Variants in PRIMPOL observed in about 807,000 individuals in gnomAD.
PRIMPOL encodes the protein DNA-directed primase/polymerase protein.
A neutral mutation model predicts 63.6 loss-of-function variants in PRIMPOL; 54 were observed. The ratio of observed to expected loss-of-function variants is 0.85; its 90% confidence interval spans 0.68 to 1.07. PRIMPOL has a LOEUF of 1.07. PRIMPOL is among the 50% of genes least tolerant of loss of function. The pLI is 0.00. For synonymous variants in PRIMPOL, 197 were observed against 220.2 expected, an observed-to-expected ratio of 0.89 and a Z score of 0.93; for missense variants, 610 against 648.3, an observed-to-expected ratio of 0.94 and a Z score of 0.64.
chr4:184,684,944 C>T (rs1450023273), intron 9 of PRIMPOL, among the ~76,000 whole-genome samples: 1 of 152,046 alleles, frequency 6.6e-6, no homozygotes, highest in South Asian at 2.1e-4. Context: ...CCTGTTTTGC[C>T]TGTGTTGGGA....
chr4:184,650,315 G>A (rs1743868632), intron 1 of PRIMPOL, among the ~76,000 whole-genome samples: 1 of 152,258 alleles, frequency 6.6e-6, no homozygotes, highest in Non-Finnish European at 1.5e-5. Context: ...AGGGAGTGAA[G>A]AAGAGGAAAA....
Position 184,690,649 on chromosome 4 carries a change from G to A in PRIMPOL, c.1296-850G>A, listed in dbSNP as rs138580896. 4.9e-3 allele frequency among the ~76,000 whole-genome samples: 752 copies of A among 152,170 alleles called. 8 individuals are homozygous for A. The highest frequency in any genetic ancestry group is 0.017 in the African/African-American group (708 of 41,488). On this transcript the variant is annotated intron_variant, in intron 11 of 13. Coordinates refer to ENST00000314970, the MANE Select transcript of PRIMPOL (RefSeq NM_152683.4). ...TAATTTTTGTATTTTCAGTATAGACGGGGTTTCACTATGTTGGCCAGGCTG... is the reference window on the plus strand; with the variant it reads ...TAATTTTTGTATTTTCAGTATAGACAGGGTTTCACTATGTTGGCCAGGCTG...
chr4:184,660,256 G>T (rs1209894417), intron 4 of PRIMPOL, among the ~76,000 whole-genome samples: 1 of 150,762 alleles, frequency 6.6e-6, no homozygotes, highest in African/African-American at 2.4e-5. Context: ...CACAATCTCA[G>T]CTCACTGCAA....
intron 11 of PRIMPOL, among the ~76,000 whole-genome samples, chr4:184,688,927 G>C (rs1202113480): frequency 6.6e-6 from 1 of 151,806 alleles, no homozygotes; most frequent in East Asian, 1.9e-4. Context: ...CAAACAACTT[G>C]GTAAGTGTTT....
intron 2 of PRIMPOL, among the ~76,000 whole-genome samples, chr4:184,653,618 G>A (rs1308435450): frequency 1.3e-5 from 2 of 152,194 alleles, no homozygotes; most frequent in African/African-American, 4.8e-5. Context: ...CCAAAGTGCT[G>A]GGATTACAGG....
intron 5 of PRIMPOL, among the ~76,000 whole-genome samples, chr4:184,662,110 A>G (rs914822111): frequency 4.6e-5 from 7 of 152,130 alleles, no homozygotes; most frequent in Non-Finnish European, 8.8e-5. Context: ...ATAGTTTGCA[A>G]TTTTGCTGTC....
At chr4:184,656,965 T>G in intron 2 of PRIMPOL, 117 bp from the exon 3 acceptor site, 1 of 489,226 alleles carries the variant, frequency 2.0e-6, no homozygotes, top group African/African-American at 2.0e-5. Flanking sequence ...GTGGTAAAAC[T>G]TCATGCAAAG....
rs761083199 is a variant in PRIMPOL at position 184,661,805 on chromosome 4, C to T, written c.310C>T (p.Pro104Ser). The T allele has an allele frequency of 1.2e-5, 19 of 1,612,006 alleles. No homozygotes were observed. Among genetic ancestry groups the T allele is most frequent in the Admixed American group, 1.7e-5 (1 of 59,892 alleles). The change falls in exon 5 of 14, where the codon CCT (proline) becomes TCT (serine). Residue 104 changes from proline to serine, a missense_variant. This residue lies in a region of PRIMPOL where 159 missense variants were observed against 168.9 expected (regional missense o/e 0.94). Transcript: ENST00000314970. ...TCTCTTACACTGCTATGAAGTTATT[C>T]CTGAAAATGCTGTGTGCAAGCTTTA... Reference protein sequence around the residue: ...KNLLHCYEVIPENAVCKLYFD... With the variant: ...KNLLHCYEVISENAVCKLYFD...
intron 8 of PRIMPOL, among the ~76,000 whole-genome samples, chr4:184,680,817 T>C (rs187990274): frequency 3.3e-5 from 5 of 151,402 alleles, no homozygotes; most frequent in African/African-American, 9.6e-5. Context: ...GCTCAGTGAA[T>C]GTTGTTGGTA....
intron 11 of PRIMPOL, among the ~76,000 whole-genome samples, chr4:184,688,358 C>T (rs1021520140): frequency 1.3e-5 from 2 of 152,224 alleles, no homozygotes; most frequent in Non-Finnish European, 2.9e-5. Flanking sequence ...ATTGGTTTTG[C>T]TCATCTGGCA....
chr4:184,681,550 ATTG>A (rs1174292622), intron 8 of PRIMPOL, among the ~76,000 whole-genome samples: 2 of 151,310 alleles, frequency 1.3e-5, no homozygotes, highest in Non-Finnish European at 3.0e-5. Context: ...TATTATTTTT[ATTG>A]TTTTTTTATT....
intron 4 of PRIMPOL, 75 bp downstream of exon 4, chr4:184,659,512 G>A: frequency 9.3e-7 from 1 of 1,080,168 alleles, no homozygotes; most frequent in South Asian, 1.3e-5. Flanking sequence ...GGTGAAATTA[G>A]TTCAGGCTGA....
At chr4:184,662,054 G>T in intron 5 of PRIMPOL, 151 bp downstream of exon 5, 1 of 617,580 alleles carries the variant, frequency 1.6e-6, no homozygotes, top group Non-Finnish European at 2.5e-6. Flanking sequence ...AATATTACTT[G>T]TATGAGTAAA....
chr4:184,692,681 A>G (rs968579746), intron 13 of PRIMPOL, among the ~76,000 whole-genome samples: 3 of 151,832 alleles, frequency 2.0e-5, no homozygotes, highest in East Asian at 1.9e-4. Flanking sequence ...AAGTATCACA[A>G]ATATTTTTAG....
chr4:184,677,355 G>A (rs115584858), intron 7 of PRIMPOL, among the ~76,000 whole-genome samples: 11 of 152,098 alleles, frequency 7.2e-5, no homozygotes, highest in African/African-American at 2.4e-4. Context: ...GTGGATATCC[G>A]GTTGGCTCAG....
chr4:184,676,820 T>C (rs149887473), intron 7 of PRIMPOL, among the ~76,000 whole-genome samples: 9 of 988 alleles, frequency 9.1e-3, no homozygotes, highest in Admixed American at 0.016. Context: ...CCCTTCCCTT[T>C]TCCCTTCCCT....
At chr4:184,653,407 C>G (rs1300573992) in intron 2 of PRIMPOL, among the ~76,000 whole-genome samples, 4 of 152,186 alleles carry the variant, frequency 2.6e-5, no homozygotes, top group Non-Finnish European at 5.9e-5. Context: ...AGCTTGACCC[C>G]CTTTGGTTGA....
chr4:184,694,035 T>C (rs967608027), intron 13 of PRIMPOL, among the ~76,000 whole-genome samples: 2 of 152,248 alleles, frequency 1.3e-5, no homozygotes, highest in African/African-American at 2.4e-5. Flanking sequence ...AGACATTCTA[T>C]GGTAAAATAA....
In PRIMPOL at chr4:184,694,788, C is replaced by G; in HGVS notation, c.*9C>G. 6.3e-7 allele frequency: 1 copy of G among 1,595,546 alleles called. No homozygotes were observed. Among genetic ancestry groups the G allele is most frequent in the South Asian group, 1.1e-5 (1 of 90,286 alleles). Reference sequence around the variant, plus strand: ...AAGTATTACAAGAGTAACTAATTCACTATGAACACTTTTGTCACCAGGCTA... The same window carrying G: ...AAGTATTACAAGAGTAACTAATTCAGTATGAACACTTTTGTCACCAGGCTA... On this transcript the variant is annotated 3_prime_UTR_variant, in exon 14 of 14. Coordinates refer to ENST00000314970, the MANE Select transcript of PRIMPOL (RefSeq NM_152683.4).
Sources: allele counts gnomAD v4.1 joint callset (sites outside exome capture counted in the v4.1 genomes callset), GRCh38; gene constraint gnomAD v4.1.1; regional missense constraint gnomAD v4.1.1; transcripts MANE v1.5; gene names NCBI Gene and HGNC (gene_info 2026-07-23, HGNC 2026-07-21).